Variants in CRY1 observed in about 807,000 individuals in gnomAD.
CRY1 encodes cryptochrome-1.
A neutral mutation model predicts 76.0 loss-of-function variants in CRY1; 45 were observed. That is an observed-to-expected ratio of 0.59 (90% confidence interval 0.47 to 0.76). The LOEUF (loss-of-function observed/expected upper bound fraction) is 0.76, where lower values mean the gene tolerates loss of function less well. CRY1 is among the 30% of genes least tolerant of loss of function. CRY1 has a pLI of 0.00. For missense variants in CRY1, 587 were observed against 716.4 expected, an observed-to-expected ratio of 0.82 and a Z score of 2.06; for synonymous variants, 248 against 244.0, an observed-to-expected ratio of 1.02 and a Z score of -0.15.
At chr12:107,058,290 GCACA>G (rs772286844) in intron 1 of CRY1, among the ~76,000 whole-genome samples, 5 of 151,726 alleles carry the variant, frequency 3.3e-5, no homozygotes, top group Non-Finnish European at 5.9e-5. Context: ...AGACACAGAT[GCACA>G]CACACACACT....
At chr12:107,089,609 C>T (rs545084401) in intron 1 of CRY1, among the ~76,000 whole-genome samples, 28 of 152,006 alleles carry the variant, frequency 1.8e-4, no homozygotes, top group Non-Finnish European at 3.5e-4. Flanking sequence ...TAAAATTTTG[C>T]TTTTCTGTTA....
At chr12:107,014,378 C>T (rs937542492) in intron 2 of CRY1, among the ~76,000 whole-genome samples, 2 of 152,072 alleles carry the variant, frequency 1.3e-5, no homozygotes, top group African/African-American at 4.8e-5. Context: ...ACTGATCCTC[C>T]GGCATACTCA....
At chr12:107,040,699 A>G (rs1241322822) in intron 1 of CRY1, among the ~76,000 whole-genome samples, 1 of 152,142 alleles carries the variant, frequency 6.6e-6, no homozygotes, top group Non-Finnish European at 1.5e-5. Flanking sequence ...ACAGCAATAA[A>G]ATATATTTTT....
chr12:107,030,420 T>C (rs1400545145), intron 1 of CRY1, among the ~76,000 whole-genome samples: 1 of 152,216 alleles, frequency 6.6e-6, no homozygotes, highest in Non-Finnish European at 1.5e-5. Context: ...TAATGTGACT[T>C]TTCTACAGAA....
In CRY1 at chr12:106,997,927, C is replaced by A; in HGVS notation, c.1277G>T (p.Gly426Val). 6.2e-7 allele frequency: 1 copy of A among 1,613,932 alleles called. No individual in the cohort carries two copies. The highest frequency in any genetic ancestry group is 8.5e-7 in the Non-Finnish European group (1 of 1,179,932). Reference sequence around the variant, plus strand: ...ACCCTTGATTTACCTGATATAGTCTCCATTGGGATCTGTTCTCCTACCAAA... The same window carrying A: ...ACCCTTGATTTACCTGATATAGTCTACATTGGGATCTGTTCTCCTACCAAA... ...VGFGRRTDPN[G>V]DYIRRYLPVL... Residue 426 changes from glycine to valine, a missense_variant, in exon 8 of 13, where the codon GGA becomes GTA. By Grantham distance (109) the Gly-to-Val change is moderately radical. Transcript: ENST00000008527.
At position 107,082,045 on chromosome 12, in the gene CRY1, A is replaced by G. The variant is rs1464037324; in HGVS notation, c.158+10759T>C. Reference sequence around the variant, plus strand: ...AAAACTAAAGCTGCTTAGGGGTTGCAATCCTAGTCTCTGATAAAACAGACT... The same window carrying G: ...AAAACTAAAGCTGCTTAGGGGTTGCGATCCTAGTCTCTGATAAAACAGACT... On this transcript the variant is annotated intron_variant, in intron 1 of 12. Transcript: ENST00000008527. 1.6e-4 allele frequency among the ~76,000 whole-genome samples: 24 copies of G among 152,108 alleles called. 1 individual carries two copies. The highest frequency in any genetic ancestry group is 1.6e-3 in the Admixed American group (24 of 15,264).
chr12:107,014,701 C>G (rs1433209098), intron 2 of CRY1, among the ~76,000 whole-genome samples: 1 of 152,092 alleles, frequency 6.6e-6, no homozygotes, highest in Non-Finnish European at 1.5e-5. Context: ...TTCCTCTAAG[C>G]ACTGCTTTAG....
At chr12:107,024,021 G>A (rs1023877448) in intron 1 of CRY1, among the ~76,000 whole-genome samples, 1 of 152,188 alleles carries the variant, frequency 6.6e-6, no homozygotes, top group African/African-American at 2.4e-5. Context: ...AACAAAGATC[G>A]AAGGGTTTTT....
chr12:107,089,304 C>T (rs1953441254), intron 1 of CRY1, among the ~76,000 whole-genome samples: 1 of 152,054 alleles, frequency 6.6e-6, no homozygotes, highest in African/African-American at 2.4e-5. Context: ...TATTCTGAGA[C>T]AATGTCCTTC....
intron 1 of CRY1, among the ~76,000 whole-genome samples, chr12:107,025,273 C>T (rs1952595402): frequency 6.6e-6 from 1 of 152,170 alleles, no homozygotes; most frequent in Non-Finnish European, 1.5e-5. Context: ...AAACGAGATA[C>T]ACTACATATG....
intron 1 of CRY1, among the ~76,000 whole-genome samples, chr12:107,067,208 T>C (rs1216160997): frequency 6.6e-6 from 1 of 151,786 alleles, no homozygotes; most frequent in Non-Finnish European, 1.5e-5. Context: ...AAGGGCTGCA[T>C]AAAAAAAAGA....
chr12:106,996,169 G>A lies in CRY1; in HGVS notation c.1585+1125C>T, dbSNP rs192232759. ...CCCCAGTATGTGTTGTTCTCCGCAT[G>A]TATCCATGTGTTCTCATCATTCTAC... On this transcript the variant is annotated intron_variant, in intron 10 of 12. Transcript: ENST00000008527. Among the ~76,000 whole-genome samples, 6 of 152,242 alleles carry A rather than the reference G, an allele frequency of 3.9e-5. No homozygotes were observed. In the East Asian group the frequency reaches 1.2e-3, roughly 29 times the overall value.
chr12:107,040,356 G>T (rs1265845251), intron 1 of CRY1, among the ~76,000 whole-genome samples: 1 of 147,068 alleles, frequency 6.8e-6, no homozygotes, highest in East Asian at 2.0e-4. Flanking sequence ...GCACAATCTC[G>T]GCTCACTGCA....
intron 1 of CRY1, among the ~76,000 whole-genome samples, chr12:107,071,743 T>A (rs1248342961): frequency 2.0e-5 from 3 of 152,192 alleles, no homozygotes; most frequent in Admixed American, 2.0e-4. Context: ...AGAAAGGGAC[T>A]ATCATAGCAA....
intron 7 of CRY1, 142 bp from the exon 8 acceptor site, chr12:106,998,208 C>T (rs895063052): frequency 3.4e-6 from 3 of 892,182 alleles, no homozygotes; most frequent in African/African-American, 3.4e-5. Context: ...GTTAGCTTCC[C>T]TATGTTCTGT....
intron 1 of CRY1, among the ~76,000 whole-genome samples, chr12:107,068,484 G>C (rs530843544): frequency 1.3e-5 from 2 of 152,038 alleles, no homozygotes; most frequent in South Asian, 4.2e-4. Context: ...TTTTTGGAGA[G>C]ACAGGGTTTC....
intron 1 of CRY1, chr12:107,073,112 T>C (rs905464447): frequency 2.0e-5 from 3 of 152,082 alleles, no homozygotes; most frequent in Non-Finnish European, 4.4e-5. Flanking sequence ...TACAAAAACA[T>C]TGTAAATATT....
chr12:107,047,998 ATAGG>A (rs1952869659), intron 1 of CRY1, among the ~76,000 whole-genome samples: 1 of 152,198 alleles, frequency 6.6e-6, no homozygotes, highest in South Asian at 2.1e-4. Context: ...TGACAAACCA[ATAGG>A]TAGACTAATA....
chr12:107,018,160 A>G (rs909272146), intron 2 of CRY1, among the ~76,000 whole-genome samples: 12 of 152,250 alleles, frequency 7.9e-5, no homozygotes, highest in Non-Finnish European at 7.3e-5. Flanking sequence ...TTAAAAAAGC[A>G]TAATATAAAT....
Sources: allele counts gnomAD v4.1 joint callset (sites outside exome capture counted in the v4.1 genomes callset), GRCh38; gene constraint gnomAD v4.1.1; transcripts MANE v1.5; gene names NCBI Gene and HGNC (gene_info 2026-07-23, HGNC 2026-07-21).